The following TBL1XR1 variants were observed in gnomAD, a reference collection of about 807,000 sequenced individuals.
TBL1XR1 encodes the protein TBL1X/Y related 1.
Under a neutral mutation model 66.9 loss-of-function variants are expected in TBL1XR1, and 5 were observed. The observed-to-expected ratio is 0.07, with a 90% CI of 0.04 to 0.16. The LOEUF (loss-of-function observed/expected upper bound fraction) is 0.16. TBL1XR1 is among the 10% of genes least tolerant of loss of function. TBL1XR1 has a pLI of 1.00. For synonymous variants in TBL1XR1, 210 were observed against 206.0 expected (o/e 1.02, Z -0.17); for missense variants, 238 against 623.2 (o/e 0.38, Z 6.58).
intron 1 of TBL1XR1, among the ~76,000 whole-genome samples, chr3:177,108,996 A>C (rs1725226465): frequency 1.3e-5 from 2 of 152,198 alleles, no homozygotes; most frequent in African/African-American, 4.8e-5. Context: ...TGATGGGATA[A>C]GGATATCTGG....
At chr3:177,120,411 T>C (rs1390976163) in intron 1 of TBL1XR1, among the ~76,000 whole-genome samples, 1 of 152,154 alleles carries the variant, frequency 6.6e-6, no homozygotes, top group Admixed American at 6.5e-5. Context: ...CCCCAAATCA[T>C]ACAACCAGCT....
At position 177,051,553 on chromosome 3, in the gene TBL1XR1, AT is replaced by A; in HGVS notation, c.377del (p.Asn126MetfsTer16). On this transcript the variant is annotated frameshift_variant, in exon 5 of 16. Transcript: ENST00000457928. LOFTEE classifies it high-confidence loss of function. ...CCTCCCCATTTGCTGTGTTTTCTCC[AT>A]TTTTTGCAGATCCTTGTTGGCTGGC... ...AAASQQGSAK[N>X]GENTANGEEN... 6.2e-7 allele frequency: 1 copy of A among 1,613,408 alleles called. No homozygotes were observed. Among genetic ancestry groups the A allele is most frequent in the Non-Finnish European group, 8.5e-7 (1 of 1,179,684 alleles).
chr3:177,051,435 C>A, intron 5 of TBL1XR1, 69 bp downstream of exon 5: 1 of 1,412,872 alleles, frequency 7.1e-7, no homozygotes, highest in East Asian at 2.5e-5. Context: ...ACATGTACCC[C>A]GAATTAAAAG....
chr3:177,104,129 A>AAGAGAGAG (rs1553844013), intron 1 of TBL1XR1, among the ~76,000 whole-genome samples: 59 of 141,234 alleles, frequency 4.2e-4, no homozygotes, highest in African/African-American at 1.3e-3. Context: ...AAAAAAAAAA[A>AAGAGAGAG]AGAGAGAGAG....
At chr3:177,025,990 C>A in intron 15 of TBL1XR1, 1 of 287,402 alleles carries the variant, frequency 3.5e-6, no homozygotes, top group Non-Finnish European at 6.4e-6. Context: ...CATTCCTCAA[C>A]ACAGGAACCA....
chr3:177,025,711 G>T (rs374837016), intron 15 of TBL1XR1, among the ~76,000 whole-genome samples, 187 bp from the exon 16 acceptor site: 1 of 152,152 alleles, frequency 6.6e-6, no homozygotes, highest in Non-Finnish European at 1.5e-5. Context: ...CAGATCAAGA[G>T]AACAACCATG....
intron 1 of TBL1XR1, among the ~76,000 whole-genome samples, chr3:177,159,476 T>C (rs1229876565): frequency 6.6e-6 from 1 of 152,164 alleles, no homozygotes; most frequent in African/African-American, 2.4e-5. Flanking sequence ...TATACACATA[T>C]AAATGACAAG....
intron 1 of TBL1XR1, among the ~76,000 whole-genome samples, chr3:177,183,909 C>T (rs1050269615): frequency 6.6e-6 from 1 of 152,042 alleles, no homozygotes; most frequent in African/African-American, 2.4e-5. Flanking sequence ...TCGAGACCAG[C>T]TCTTCACCAC....
chr3:177,141,750 CT>C (rs919993379), intron 1 of TBL1XR1, among the ~76,000 whole-genome samples: 48 of 152,296 alleles, frequency 3.2e-4, no homozygotes, highest in African/African-American at 1.0e-3. Flanking sequence ...AAAAGAGATA[CT>C]TGTACACCCG....
chr3:177,113,278 C>G (rs906753563), intron 1 of TBL1XR1, among the ~76,000 whole-genome samples: 1 of 151,980 alleles, frequency 6.6e-6, no homozygotes, highest in African/African-American at 2.4e-5. Context: ...TAAAAGAAAA[C>G]TCAAGAGGAA....
At chr3:177,085,057 T>G (rs1387557852) in intron 2 of TBL1XR1, among the ~76,000 whole-genome samples, 3 of 152,124 alleles carry the variant, frequency 2.0e-5, no homozygotes, top group African/African-American at 7.2e-5. Flanking sequence ...TTTCTTTCAA[T>G]CAAAAAATCG....
chr3:177,025,639 G>A, intron 15 of TBL1XR1, 115 bp from the exon 16 acceptor site: 1 of 995,980 alleles, frequency 1.0e-6, no homozygotes, highest in Non-Finnish European at 1.5e-6. Flanking sequence ...TATAAAATTG[G>A]TAAAGCATAA....
chr3:177,175,438 A>G (rs1303764529), intron 1 of TBL1XR1, among the ~76,000 whole-genome samples: 2 of 152,242 alleles, frequency 1.3e-5, no homozygotes, highest in Admixed American at 6.5e-5. Context: ...TCCTCTTCAG[A>G]TATCTAAAAA....
chr3:177,099,730 A>G (rs2108673972), intron 1 of TBL1XR1, among the ~76,000 whole-genome samples: 1 of 152,354 alleles, frequency 6.6e-6, no homozygotes, highest in African/African-American at 2.4e-5. Flanking sequence ...ACACATCATG[A>G]CTAGATACCA....
At chr3:177,107,057 A>C (rs1724976640) in intron 1 of TBL1XR1, among the ~76,000 whole-genome samples, 1 of 152,206 alleles carries the variant, frequency 6.6e-6, no homozygotes, top group South Asian at 2.1e-4. Context: ...ACTCTTCACA[A>C]CTAAACAGCT....
chr3:177,130,617 T>C (rs1391216630), intron 1 of TBL1XR1, among the ~76,000 whole-genome samples: 3 of 152,118 alleles, frequency 2.0e-5, no homozygotes, highest in African/African-American at 4.8e-5. Context: ...AGGGGACAGA[T>C]GTGGAAAGGT....
chr3:177,095,495 A>AT (rs75499027), intron 2 of TBL1XR1, among the ~76,000 whole-genome samples: 5,253 of 70,500 alleles, frequency 0.075, 261 homozygotes, highest in African/African-American at 0.17. Context: ...GTGCAATTAG[A>AT]TTTTTTTTTT....
At chr3:177,104,129 A>AAAGGAGAG (rs754019574) in intron 1 of TBL1XR1, among the ~76,000 whole-genome samples, 4 of 141,216 alleles carry the variant, frequency 2.8e-5, no homozygotes, top group African/African-American at 5.3e-5. Context: ...AAAAAAAAAA[A>AAAGGAGAG]AGAGAGAGAG....
At position 177,131,253 on chromosome 3, in the gene TBL1XR1, G is replaced by C. The variant is rs1051532519; in HGVS notation, c.-121-32712C>G. ...CTAACTCTTCATTCAAAGACACATAGCAACACACACAAAAAAAGTCAAAAG... is the reference window on the plus strand; with the variant it reads ...CTAACTCTTCATTCAAAGACACATACCAACACACACAAAAAAAGTCAAAAG... On this transcript the variant is annotated intron_variant, in intron 1 of 15. Transcript: ENST00000457928. The C allele has an allele frequency of 5.6e-6, 4 of 713,756 alleles. No individual in the cohort carries two copies. In the African/African-American group the frequency reaches 7.7e-5, roughly 14 times the overall value. 44.2% of individuals were successfully genotyped at this position (713,756 alleles called of 1,614,324 possible).
Sources: gnomAD v4.1 joint callset for allele counts (sites outside exome capture counted in the v4.1 genomes callset) on GRCh38, gnomAD v4.1.1 for gene constraint, MANE v1.5 for transcripts, NCBI Gene and HGNC (gene_info 2026-07-23, HGNC 2026-07-21) for gene names.